ABCB4: variants seen among roughly 807,000 people sequenced by gnomAD.
The protein encoded by ABCB4 is ATP binding cassette subfamily B member 4.
In ABCB4, 76 loss-of-function variants were observed where a neutral mutation model predicts 145.7. That is an observed-to-expected ratio of 0.52 (90% CI 0.43 to 0.63). The LOEUF (loss-of-function observed/expected upper bound fraction) is 0.63, where lower values mean the gene tolerates loss of function less well. Among genes scored for constraint, ABCB4 ranks in the 30% least tolerant of loss-of-function variants. The pLI is 0.00. For synonymous variants in ABCB4, 517 were observed against 566.8 expected (o/e 0.91, Z 1.25); for missense variants, 1,234 against 1,553.1 (o/e 0.79, Z 3.45).
intron 14 of ABCB4, among the ~76,000 whole-genome samples, chr7:87,434,750 A>G (rs1258027373): frequency 1.3e-5 from 2 of 152,110 alleles, no homozygotes; most frequent in Non-Finnish European, 2.9e-5. Flanking sequence ...CCGTCTCAAA[A>G]AAAAAATTAT....
At chr7:87,465,009 G>A (rs902094780) in intron 3 of ABCB4, among the ~76,000 whole-genome samples, 2 of 152,272 alleles carry the variant, frequency 1.3e-5, no homozygotes, top group African/African-American at 2.4e-5. Flanking sequence ...ATCTCACTGC[G>A]GCTTGTCGGA....
At chr7:87,378,346 C>CAAAA in the ABCB4 span, among the ~76,000 whole-genome samples, 7 of 132,874 alleles carry the variant, frequency 5.3e-5, 1 homozygote, top group East Asian at 2.2e-4. Flanking sequence ...ACTCCGACTC[C>CAAAA]AAAAAAAAAA....
rs945837088 is a variant in ABCB4 at position 87,439,680 on chromosome 7, G to A, written c.1718C>T (p.Ala573Val). 1.9e-6 allele frequency: 3 copies of A among 1,614,028 alleles called. No homozygotes were observed. The highest frequency in any genetic ancestry group is 3.3e-5 in the Admixed American group (2 of 59,998). Residue 573 changes from alanine to valine, a missense_variant, in exon 14 of 28, where the codon GCA (alanine) becomes GTA (valine). Ala to Val is a moderately conservative substitution (Grantham distance 64). Transcript: ENST00000649586. ...GAGTCTACTGACCTTATCCAGAGCTGCCTGTACCTCAGCTTCACTTTCTGT... is the reference window on the plus strand; with the variant it reads ...GAGTCTACTGACCTTATCCAGAGCTACCTGTACCTCAGCTTCACTTTCTGT... ...LDTESEAEVQ[A>V]ALDKAREGRT...
intron 16 of ABCB4, among the ~76,000 whole-genome samples, chr7:87,424,753 G>C (rs1809692878): frequency 6.6e-6 from 1 of 152,032 alleles, no homozygotes; most frequent in African/African-American, 2.4e-5. Context: ...TTAAGGTAAA[G>C]ATTATGTCTT....
In ABCB4 at chr7:87,420,062, C is replaced by T. The variant is rs1371664892; in HGVS notation, c.2330G>A (p.Gly777Glu). 1.2e-6 allele frequency: 2 copies of T among 1,614,034 alleles called. No homozygotes were observed. The highest frequency in any genetic ancestry group is 3.3e-5 in the Admixed American group (2 of 60,026). The change falls in exon 19 of 28, where the codon GGG (glycine) becomes GAG (glutamate). Residue 777 changes from glycine (G) to glutamate (E), a missense_variant. Physicochemically the swap from Gly to Glu is moderately conservative, Grantham distance 98. Coordinates refer to ENST00000649586, the MANE Select transcript of ABCB4 (RefSeq NM_000443.4). The stretch of plus-strand genomic sequence containing the variant: ...TCTGGTGAGGATCTCGCCAGCTTTC[C>T]CAAACGTGAAACCCTGGTTGAGAAA... ...FTFFLQGFTF[G>E]KAGEILTRRL...
At chr7:87,455,842 T>A (rs185432490) in intron 4 of ABCB4, among the ~76,000 whole-genome samples, 1 of 152,272 alleles carries the variant, frequency 6.6e-6, no homozygotes, top group Admixed American at 6.5e-5. Flanking sequence ...ATCCTCCTTA[T>A]CTTTTTCCAA....
At position 87,468,804 on chromosome 7, in the gene ABCB4, A is replaced by T. The variant is rs563755427; in HGVS notation, c.135+3817T>A. ...AAACTAGCCAGGCGTGGTGGTGGGG[A>T]CCTGTAGTCTCAGCTACTCGAGAGG... On this transcript the variant is annotated intron_variant, in intron 3 of 27. Coordinates refer to ENST00000649586, the MANE Select transcript of ABCB4 (RefSeq NM_000443.4). 1.4e-3 allele frequency among the ~76,000 whole-genome samples: 213 copies of T among 151,802 alleles called. No individual in the cohort carries two copies. The Middle Eastern group carries it at 0.017, about 12-fold the overall frequency.
At chr7:87,368,280 C>T in the ABCB4 span, among the ~76,000 whole-genome samples, 2 of 152,216 alleles carry the variant, frequency 1.3e-5, no homozygotes, top group Non-Finnish European at 2.9e-5. Flanking sequence ...CTGCCACCCT[C>T]ACCCTTTCCA....
In ABCB4 at chr7:87,417,455, T is replaced by A; in HGVS notation, c.2539A>T (p.Ile847Phe). 6.2e-7 allele frequency: 1 copy of A among 1,614,166 alleles called. No individual in the cohort carries two copies. The highest frequency in any genetic ancestry group is 8.5e-7 in the Non-Finnish European group (1 of 1,180,014). Reference protein sequence around the residue: ...QNIANLGTGIIISFIYGWQLT... With the variant: ...QNIANLGTGIFISFIYGWQLT... ...TGCCAACCGTAGATAAATGATATGATAATACCAGTTCCAAGGTTAGCTATA... is the reference window on the plus strand; with the variant it reads ...TGCCAACCGTAGATAAATGATATGAAAATACCAGTTCCAAGGTTAGCTATA... Residue 847 changes from isoleucine to phenylalanine, a missense_variant, in exon 21 of 28, where the codon ATC becomes TTC. By Grantham distance (21) the Ile-to-Phe change is conservative (BLOSUM62 0). This residue lies in a region of ABCB4 where 321 missense variants were observed against 332.6 expected (regional missense o/e 0.97). Transcript: ENST00000649586.
intron 3 of ABCB4, among the ~76,000 whole-genome samples, chr7:87,468,330 C>T (rs1199473276): frequency 6.6e-6 from 1 of 152,112 alleles, no homozygotes; most frequent in Non-Finnish European, 1.5e-5. Flanking sequence ...CATACACCCT[C>T]CCAAGACTAA....
At chr7:87,376,857 T>G in the ABCB4 span, among the ~76,000 whole-genome samples, 1 of 152,134 alleles carries the variant, frequency 6.6e-6, no homozygotes, top group Admixed American at 6.6e-5. Flanking sequence ...ATATTTCCAG[T>G]CTATTTTATT....
At chr7:87,391,658 A>G in the ABCB4 span, 10 of 1,611,964 alleles carry the variant, frequency 6.2e-6, no homozygotes, top group African/African-American at 9.4e-5. Context: ...CTATGCGATC[A>G]TGCACAGTTG....
chr7:87,450,186 C>CCTCTCCTTTAACA (rs1811619215), intron 7 of ABCB4, 94 bp from the exon 8 acceptor site: 30 of 1,524,038 alleles, frequency 2.0e-5, no homozygotes, highest in Non-Finnish European at 2.5e-5. Context: ...CTTCCCAAAC[C>CCTCTCCTTTAACA]CTCTCCTTTA....
At chr7:87,393,174 C>A in the ABCB4 span, 2 of 1,213,618 alleles carry the variant, frequency 1.6e-6, no homozygotes, top group South Asian at 1.5e-5. Context: ...CCATCTGTCA[C>A]TTGCTACATA....
chr7:87,471,977 G>A (rs889736843), intron 3 of ABCB4, among the ~76,000 whole-genome samples: 1 of 152,162 alleles, frequency 6.6e-6, no homozygotes, highest in African/African-American at 2.4e-5. Context: ...TGGGGTGGGG[G>A]TCTGTGAAGC....
chr7:87,426,602 T>G, intron 16 of ABCB4, 148 bp downstream of exon 16: 1 of 755,782 alleles, frequency 1.3e-6, no homozygotes, highest in Admixed American at 2.8e-5. Context: ...TCAAATACAT[T>G]TAAAATTTGA....
chr7:87,428,261 C>T (rs1809971102), intron 15 of ABCB4, among the ~76,000 whole-genome samples: 7 of 152,176 alleles, frequency 4.6e-5, no homozygotes, highest in Admixed American at 4.6e-4. Flanking sequence ...ACCTAAAACA[C>T]TCAGTTGGTG....
chr7:87,466,486 T>A (rs1178548536), intron 3 of ABCB4, among the ~76,000 whole-genome samples: 2 of 152,172 alleles, frequency 1.3e-5, no homozygotes, highest in African/African-American at 4.8e-5. Context: ...CAGGATATTA[T>A]CCAGGAGAAC....
intron 23 of ABCB4, among the ~76,000 whole-genome samples, chr7:87,410,462 A>T (rs996202231): frequency 6.6e-6 from 1 of 152,220 alleles, no homozygotes; most frequent in Non-Finnish European, 1.5e-5. Context: ...ATGTGGCTGC[A>T]TAGCTTCCCT....
Sources: allele counts gnomAD v4.1 joint callset (sites outside exome capture counted in the v4.1 genomes callset), GRCh38; gene constraint gnomAD v4.1.1; regional missense constraint gnomAD v4.1.1; transcripts MANE v1.5; gene names NCBI Gene and HGNC (gene_info 2026-07-23, HGNC 2026-07-21).